DNER: variants seen among roughly 807,000 people sequenced by gnomAD.
The protein encoded by DNER is delta/notch like EGF repeat containing, also known as delta and Notch-like epidermal growth factor-related receptor.
In DNER, 33 loss-of-function variants were observed where a neutral mutation model predicts 78.2. That is an observed-to-expected ratio of 0.42 (90% CI 0.32 to 0.56). The LOEUF is 0.56. DNER is among the 20% of genes least tolerant of loss of function. DNER has a pLI of 0.11. For synonymous variants in DNER, 417 were observed against 384.8 expected (o/e 1.08, Z -0.98); for missense variants, 918 against 975.3 (o/e 0.94, Z 0.78).
chr2:229,704,196 T>C (rs1444703594), intron 1 of DNER, among the ~76,000 whole-genome samples: 1 of 152,188 alleles, frequency 6.6e-6, no homozygotes, highest in Non-Finnish European at 1.5e-5. Flanking sequence ...AAATCACCAA[T>C]GATATACCAA....
intron 1 of DNER, among the ~76,000 whole-genome samples, chr2:229,640,082 G>A (rs116241756): frequency 0.011 from 1,703 of 152,296 alleles, 33 homozygotes; most frequent in African/African-American, 0.038. Context: ...CAGCTTACAG[G>A]AGTACTTGTC....
chr2:229,571,045 T>C (rs968968384), intron 4 of DNER, among the ~76,000 whole-genome samples: 1 of 152,080 alleles, frequency 6.6e-6, no homozygotes, highest in African/African-American at 2.4e-5. Flanking sequence ...TGTAGGGGCC[T>C]GGGGTGAAGC....
rs180977202 is a variant in DNER at position 229,629,061 on chromosome 2, G to C, written c.277-37173C>G. 2.0e-4 allele frequency among the ~76,000 whole-genome samples: 31 copies of C among 152,284 alleles called. 1 individual carries two copies. The highest frequency in any genetic ancestry group is 7.0e-4 in the African/African-American group (29 of 41,562). ...AGAAAAAGAAATGGGACAGTGTTTT[G>C]CCTGGTGGTTGGCTGATTAGACTCT... On this transcript the variant is annotated intron_variant, in intron 1 of 12. Coordinates refer to ENST00000341772, the MANE Select transcript of DNER (RefSeq NM_139072.4).
chr2:229,648,891 CT>C (rs891962144), intron 1 of DNER, among the ~76,000 whole-genome samples: 5 of 152,182 alleles, frequency 3.3e-5, no homozygotes, highest in African/African-American at 1.2e-4. Flanking sequence ...TGTTCCAAAC[CT>C]TTTTTGTTAA....
chr2:229,682,246 T>C (rs1699399331), intron 1 of DNER, among the ~76,000 whole-genome samples: 1 of 152,214 alleles, frequency 6.6e-6, no homozygotes, highest in Non-Finnish European at 1.5e-5. Context: ...CAGCAGACGA[T>C]AGGCTGAAAC....
intron 10 of DNER, among the ~76,000 whole-genome samples, 192 bp from the exon 11 acceptor site, chr2:229,388,588 A>G (rs547930410): frequency 1.8e-5 from 2 of 113,506 alleles, no homozygotes; most frequent in African/African-American, 6.3e-5. Flanking sequence ...AAAACTAAAA[A>G]GGAAATATAT....
chr2:229,685,637 G>A (rs577553947), intron 1 of DNER, among the ~76,000 whole-genome samples: 1 of 152,250 alleles, frequency 6.6e-6, no homozygotes, highest in Admixed American at 6.5e-5. Context: ...CCTACAATGA[G>A]CATTCTTCCA....
At chr2:229,675,719 G>T (rs2154216951) in intron 1 of DNER, among the ~76,000 whole-genome samples, 1 of 152,280 alleles carries the variant, frequency 6.6e-6, no homozygotes, top group Middle Eastern at 3.4e-3. Flanking sequence ...TGCTCTGTCT[G>T]CATCTACTCA....
intron 8 of DNER, among the ~76,000 whole-genome samples, chr2:229,425,356 G>A (rs59739122): frequency 0.01 from 1,568 of 152,250 alleles, 31 homozygotes; most frequent in African/African-American, 0.035. Flanking sequence ...GCCACATGGT[G>A]AAGCTGGTTT....
chr2:229,378,038 G>A lies in DNER; in HGVS notation c.1855+10227C>T, dbSNP rs372671137. Among the ~76,000 whole-genome samples, 6 of 152,134 alleles carry A rather than the reference G, an allele frequency of 3.9e-5. No individual in the cohort carries two copies. In the East Asian group the frequency reaches 9.6e-4, roughly 24 times the overall value. ...GTAGGAGAGTTGACAATTGAGTGAT[G>A]AGAATGAAAGCAGAGGTCAAAATGA... On this transcript the variant is annotated intron_variant, in intron 11 of 12. Transcript: ENST00000341772.
intron 1 of DNER, among the ~76,000 whole-genome samples, chr2:229,697,765 C>T (rs1354350428): frequency 1.3e-5 from 2 of 152,184 alleles, no homozygotes; most frequent in African/African-American, 4.8e-5. Flanking sequence ...AGACAAGCAG[C>T]CCTTCATCAG....
chr2:229,524,414 A>T (rs1052435224), intron 5 of DNER, among the ~76,000 whole-genome samples: 13 of 152,376 alleles, frequency 8.5e-5, no homozygotes, highest in African/African-American at 2.9e-4. Flanking sequence ...TGAAAGCTCT[A>T]AAATGACACA....
intron 1 of DNER, among the ~76,000 whole-genome samples, chr2:229,701,025 C>T (rs1699738388): frequency 6.6e-6 from 1 of 152,120 alleles, no homozygotes; most frequent in African/African-American, 2.4e-5. Context: ...ACATAGGCTT[C>T]ACATATGCTT....
chr2:229,614,444 C>T (rs73998296), intron 1 of DNER, among the ~76,000 whole-genome samples: 2,257 of 152,284 alleles, frequency 0.015, 69 homozygotes, highest in African/African-American at 0.051. Context: ...TTCTGAAGTC[C>T]TCTACCATTG....
At chr2:229,523,685 C>T (rs536345195) in intron 5 of DNER, among the ~76,000 whole-genome samples, 1 of 152,346 alleles carries the variant, frequency 6.6e-6, no homozygotes, top group South Asian at 2.1e-4. Context: ...TTCCCTTTCC[C>T]CTTTCTGCTT....
At chr2:229,558,994 TCTCAAAGA>T (rs1696907082) in intron 4 of DNER, among the ~76,000 whole-genome samples, 1 of 152,164 alleles carries the variant, frequency 6.6e-6, no homozygotes, top group Admixed American at 6.5e-5. Context: ...ACTGGTGCAT[TCTCAAAGA>T]CCACAACTCA....
At chr2:229,515,639 A>ATTTTTTTTTTTTTTTTTTTTT (rs1162899815) in intron 5 of DNER, among the ~76,000 whole-genome samples, 1 of 71,538 alleles carries the variant, frequency 1.4e-5, no homozygotes, top group African/African-American at 4.2e-5. Context: ...AGTTAGCTTT[A>ATTTTTTTTTTTTTTTTTTTTT]TTTTTTTATT....
At chr2:229,445,585 C>T (rs1232892579) in intron 8 of DNER, among the ~76,000 whole-genome samples, 1 of 152,156 alleles carries the variant, frequency 6.6e-6, no homozygotes, top group Non-Finnish European at 1.5e-5. Context: ...CCAGAATGTG[C>T]GTGGGCTGCA....
intron 1 of DNER, among the ~76,000 whole-genome samples, chr2:229,633,348 C>A (rs1698472644): frequency 6.6e-6 from 1 of 152,140 alleles, no homozygotes; most frequent in Non-Finnish European, 1.5e-5. Flanking sequence ...ACACTTACAA[C>A]TTTGTTAAAT....
Sources: allele counts gnomAD v4.1 joint callset (sites outside exome capture counted in the v4.1 genomes callset), GRCh38; gene constraint gnomAD v4.1.1; transcripts MANE v1.5; gene names NCBI Gene and HGNC (gene_info 2026-07-23, HGNC 2026-07-21).